CLSTN3: variants seen among roughly 807,000 people sequenced by gnomAD.
The protein encoded by CLSTN3 is calsyntenin 3.
CLSTN3 carries 36 observed loss-of-function variants against 95.9 expected under a neutral mutation model. The observed-to-expected ratio is 0.38, with a 90% CI of 0.29 to 0.50. CLSTN3 has a LOEUF of 0.50. Ranked by LOEUF, CLSTN3 falls within the 20% of genes least tolerant of loss-of-function variation. CLSTN3 has a pLI of 0.95. For missense variants in CLSTN3, 1,084 were observed against 1,268.8 expected (o/e 0.85, Z 2.21); for synonymous variants, 481 against 504.0 (o/e 0.95, Z 0.61).
chr12:7,157,990 A>G lies in CLSTN3; in HGVS notation c.2780A>G (p.Gln927Arg). 1 of 1,551,338 alleles carries G rather than the reference A, an allele frequency of 6.4e-7. No homozygotes were observed. Among genetic ancestry groups the G allele is most frequent in the South Asian group, 1.2e-5 (1 of 84,034 alleles). Residue 927 changes from glutamine (Q) to arginine (R), a missense_variant, in exon 18 of 18, where the codon CAG (glutamine) becomes CGG (arginine). Transcript: ENST00000266546. This position sits in a 1 kb window ranked among gnomAD's most constrained non-coding sequence, Gnocchi z 5.9. ...GTGACGGGGGCTGTTGGGGGCCAGCAGGAGGATGAGGACAGCAGTGACTCG... is the reference window on the plus strand; with the variant it reads ...GTGACGGGGGCTGTTGGGGGCCAGCGGGAGGATGAGGACAGCAGTGACTCG... ...SCVTGAVGGQ[Q>R]EDEDSSDSEV... is the part of the protein sequence containing the mutation.
At position 7,150,481 on chromosome 12, in the gene CLSTN3, A is replaced by G; in HGVS notation, c.2246-63A>G. 6.4e-7 allele frequency: 1 copy of G among 1,561,078 alleles called. No individual in the cohort carries two copies. Among genetic ancestry groups the G allele is most frequent in the Non-Finnish European group, 8.7e-7 (1 of 1,146,720 alleles). ...GCGTCAGCTGGTGGGAGTCCAGGAG[A>G]GAGGGTCCTGCCCAGGTCCTGCCTC... On this transcript the variant is annotated intron_variant, in intron 14 of 17. Coordinates refer to ENST00000266546, the MANE Select transcript of CLSTN3 (RefSeq NM_014718.4). This position sits in a 1 kb window ranked among gnomAD's most constrained non-coding sequence, Gnocchi z 4.0.
At chr12:7,148,626 C>T (rs370772650) in intron 12 of CLSTN3, among the ~76,000 whole-genome samples, 1 of 152,072 alleles carries the variant, frequency 6.6e-6, no homozygotes, top group African/African-American at 2.4e-5. Flanking sequence ...GTATATATAC[C>T]TGTTTGTCAG....
chr12:7,139,794 G>C (rs937195349), intron 8 of CLSTN3, among the ~76,000 whole-genome samples: 2 of 151,972 alleles, frequency 1.3e-5, no homozygotes, highest in Non-Finnish European at 2.9e-5. Flanking sequence ...GACTACAGGC[G>C]TGTGCCACCA....
chr12:7,157,970 G>T lies in CLSTN3; in HGVS notation c.2760G>T (p.Thr920=). The T allele has an allele frequency of 6.4e-7, 1 of 1,551,128 alleles. No homozygotes were observed. Among genetic ancestry groups the T allele is most frequent in the Non-Finnish European group, 8.7e-7 (1 of 1,146,924 alleles). Residue 920 remains threonine (T), a synonymous_variant, in exon 18 of 18, where the codon ACG becomes ACT. Coordinates refer to ENST00000266546, the MANE Select transcript of CLSTN3 (RefSeq NM_014718.4). This position sits in a 1 kb window ranked among gnomAD's most constrained non-coding sequence, Gnocchi z 5.9. ...ACCAGAATCGGCAGTCCTGTGTGAC[G>T]GGGGCTGTTGGGGGCCAGCAGGAGG... The part of the protein sequence containing the change: ...ESYQNRQSCV[T]GAVGGQQEDE...
chr12:7,148,210 AAG>A (rs1491414609), intron 12 of CLSTN3, among the ~76,000 whole-genome samples: 1 of 143,704 alleles, frequency 7.0e-6, no homozygotes, highest in Non-Finnish European at 1.5e-5. Flanking sequence ...GAAAGAAAGA[AAG>A]AAATGTGGGA....
At chr12:7,142,740 T>C in intron 10 of CLSTN3, 129 bp from the exon 11 acceptor site, 4 of 640,856 alleles carry the variant, frequency 6.2e-6, no homozygotes, top group Non-Finnish European at 7.4e-6. Flanking sequence ...TTTTTTGGTT[T>C]CCACATTTCT....
chr12:7,139,653 ATTAT>A (rs768898550), intron 8 of CLSTN3, among the ~76,000 whole-genome samples: 3 of 83,692 alleles, frequency 3.6e-5, no homozygotes, highest in Non-Finnish European at 6.1e-5. Context: ...TATTATTATT[ATTAT>A]TTTTTTTTTT....
Position 7,149,194 on chromosome 12 carries a change from C to T in CLSTN3, c.2070C>T (p.Gly690=), listed in dbSNP as rs377051045. The T allele has an allele frequency of 5.6e-6, 9 of 1,613,514 alleles. No individual in the cohort carries two copies. The highest frequency in any genetic ancestry group is 7.6e-6 in the Non-Finnish European group (9 of 1,179,720). The change falls in exon 13 of 18, where the codon GGC becomes GGT. Residue 690 remains glycine, a synonymous_variant. Transcript: ENST00000266546. This position sits in a 1 kb window ranked among gnomAD's most constrained non-coding sequence, Gnocchi z 4.5. ...VEAKKDESWQ[G]TVTDTRMSDE... ...CCAAAAAGGATGAGAGTTGGCAGGG[C>T]ACAGGTAAGGACGACTTCGGGGAGT...
Position 7,149,564 on chromosome 12 carries a change from G to A in CLSTN3, c.2116G>A (p.Asp706Asn). Residue 706 changes from aspartate to asparagine, a missense_variant, in exon 14 of 18, where the codon GAT becomes AAT. Asp to Asn is a conservative substitution (Grantham distance 23). Transcript: ENST00000266546. This position sits in a 1 kb window ranked among gnomAD's most constrained non-coding sequence, Gnocchi z 4.5. ...GTCGGATGAGATTGTGCACAACCTG[G>A]ATGGCTGTGAAATTTCTCTGGTGGG... ...RMSDEIVHNL[D>N]GCEISLVGDD... 6.2e-7 allele frequency: 1 copy of A among 1,614,128 alleles called. No homozygotes were observed. The highest frequency in any genetic ancestry group is 8.5e-7 in the Non-Finnish European group (1 of 1,180,006).
chr12:7,138,593 G>A (rs1377684350), intron 8 of CLSTN3: 2 of 151,558 alleles, frequency 1.3e-5, no homozygotes, highest in African/African-American at 4.8e-5. Flanking sequence ...ATAGACCGTT[G>A]TAGACTGAAA....
At chr12:7,132,966 G>C in intron 1 of CLSTN3, 58 bp from the exon 2 acceptor site, 1 of 1,610,098 alleles carries the variant, frequency 6.2e-7, no homozygotes, top group Non-Finnish European at 8.5e-7. Flanking sequence ...AAGGGTTGTT[G>C]TGGGAGTAGA....
At chr12:7,151,542 T>C (rs1252130239) in intron 16 of CLSTN3, among the ~76,000 whole-genome samples, 1 of 152,220 alleles carries the variant, frequency 6.6e-6, no homozygotes, top group African/African-American at 2.4e-5. Context: ...AATTATGTGC[T>C]ACGTATGCAG....
Position 7,136,014 on chromosome 12 carries a change from G to A in CLSTN3, c.742+61G>A. On this transcript the variant is annotated intron_variant, in intron 5 of 17. Coordinates refer to ENST00000266546, the MANE Select transcript of CLSTN3 (RefSeq NM_014718.4). ...ATCTTTTTTCTTGGTCTCTCTTTCT[G>A]TCCTTTCTGACAATCATGGGGGCCA... 1.5e-5 allele frequency: 23 copies of A among 1,550,582 alleles called. No homozygotes were observed. The South Asian group carries it at 2.7e-4, about 18-fold the overall frequency.
chr12:7,150,422 G>A lies in CLSTN3; in HGVS notation c.2246-122G>A, dbSNP rs1421582068. The A allele has an allele frequency of 1.1e-5, 13 of 1,202,756 alleles. No homozygotes were observed. The highest frequency in any genetic ancestry group is 4.9e-5 in the South Asian group (3 of 61,108). 74.5% of individuals were successfully genotyped at this position (1,202,756 alleles called of 1,614,324 possible). A position where few individuals can be genotyped will look rare whatever the true frequency, so the allele number is the denominator to read the frequency against. ...CTTCGACCTCAGGTCGCACTTCTGC[G>A]GAGATGGGGCTGACCTGCTCTACAG... On this transcript the variant is annotated intron_variant, in intron 14 of 17. Transcript: ENST00000266546. The surrounding 1 kb of genome is among the most constrained non-coding windows in gnomAD (Gnocchi z 4.0).
At chr12:7,147,668 C>T (rs112035263) in intron 12 of CLSTN3, among the ~76,000 whole-genome samples, 9,556 of 151,628 alleles carry the variant, frequency 0.063, 415 homozygotes, top group South Asian at 0.22. Flanking sequence ...GCATCTACCA[C>T]CACACCTGGA....
In CLSTN3 at chr12:7,157,285, C is replaced by A. The variant is rs772823519; in HGVS notation, c.2528-204C>A. On this transcript the variant is annotated intron_variant, in intron 16 of 17. Transcript: ENST00000266546. This position sits in a 1 kb window ranked among gnomAD's most constrained non-coding sequence, Gnocchi z 5.9. ...TTTGTTCCTTTGCCTTGCAGCAGCT[C>A]CCTTCCTCCCCTTTCGTCTCCTGCC... Among the ~76,000 whole-genome samples the A allele has an allele frequency of 1.2e-4, 18 of 152,192 alleles. No individual in the cohort carries two copies. The highest frequency in any genetic ancestry group is 3.3e-4 in the Admixed American group (5 of 15,286).
Position 7,137,924 on chromosome 12 carries a change from A to G in CLSTN3, c.1211-31A>G. On this transcript the variant is annotated intron_variant, in intron 7 of 17. Coordinates refer to ENST00000266546, the MANE Select transcript of CLSTN3 (RefSeq NM_014718.4). This position sits in a 1 kb window ranked among gnomAD's most constrained non-coding sequence, Gnocchi z 4.4. The stretch of plus-strand genomic sequence containing the variant: ...AACTTGTTCTGGCCTCAGCCTCTGC[A>G]CTTGACCCCATCCCCTTCCTGTGCC... The G allele has an allele frequency of 6.4e-7, 1 of 1,561,582 alleles. No individual in the cohort carries two copies. Among genetic ancestry groups the G allele is most frequent in the Non-Finnish European group, 8.8e-7 (1 of 1,132,864 alleles).
Position 7,137,795 on chromosome 12 carries a change from T to TGTGTGAGAGA in CLSTN3, c.1211-159_1211-158insTGTGAGAGAG, listed in dbSNP as rs768487238. Among the ~76,000 whole-genome samples the TGTGTGAGAGA allele has an allele frequency of 0.013, 884 of 70,654 alleles. 13 individuals carry two copies. The highest frequency in any genetic ancestry group is 0.015 in the Non-Finnish European group (573 of 37,360). 46.4% of individuals were successfully genotyped at this position (70,654 alleles called of 152,430 possible). A position where few individuals can be genotyped will look rare whatever the true frequency, so the allele number is the denominator to read the frequency against. On this transcript the variant is annotated intron_variant, in intron 7 of 17. Coordinates refer to ENST00000266546, the MANE Select transcript of CLSTN3 (RefSeq NM_014718.4). The surrounding 1 kb of genome is among the most constrained non-coding windows in gnomAD (Gnocchi z 4.4). ...GTGTGTGTGTGTGTGTGTGTGTGTG[T>TGTGTGAGAGA]GAGAGAGAGAGAGAGAGAGAGAGAG...
intron 16 of CLSTN3, among the ~76,000 whole-genome samples, chr12:7,154,582 A>G (rs984884027): frequency 6.6e-6 from 1 of 152,186 alleles, no homozygotes; most frequent in African/African-American, 2.4e-5. Flanking sequence ...GTATCTACTC[A>G]TATCAAATTT....
Sources: allele counts gnomAD v4.1 joint callset (sites outside exome capture counted in the v4.1 genomes callset), GRCh38; gene constraint gnomAD v4.1.1; non-coding constraint Gnocchi (gnomAD v3.1); transcripts MANE v1.5; gene names NCBI Gene and HGNC (gene_info 2026-07-23, HGNC 2026-07-21).